ZNF395: variants seen among roughly 807,000 people sequenced by gnomAD.
ZNF395 encodes zinc finger protein 395.
Under a neutral mutation model 57.7 loss-of-function variants are expected in ZNF395, and 20 were observed. The observed-to-expected ratio is 0.35, with a 90% CI of 0.24 to 0.50. ZNF395 has a LOEUF of 0.50. ZNF395 is among the 20% of genes least tolerant of loss of function. The pLI is 0.97. For synonymous variants in ZNF395, 295 were observed against 275.9 expected (o/e 1.07, Z -0.69); for missense variants, 606 against 671.2 (o/e 0.90, Z 1.07).
chr8:28,350,183 G>C (rs1339675214), intron 7 of ZNF395, 27 bp from the exon 8 acceptor site: 1 of 1,572,532 alleles, frequency 6.4e-7, no homozygotes, highest in Non-Finnish European at 8.6e-7. Flanking sequence ...TGTCAGCCCG[G>C]ATTCTAGCTC....
At chr8:28,377,332 GGGTCGA>G (rs1802053518) in intron 1 of ZNF395, among the ~76,000 whole-genome samples, 1 of 152,136 alleles carries the variant, frequency 6.6e-6, no homozygotes, top group African/African-American at 2.4e-5. Context: ...CGAGCCCAGT[GGGTCGA>G]GGCTGCAGTA....
At chr8:28,382,803 C>G (rs913480106) in intron 1 of ZNF395, among the ~76,000 whole-genome samples, 1 of 152,152 alleles carries the variant, frequency 6.6e-6, no homozygotes, top group African/African-American at 2.4e-5. Flanking sequence ...ATTTTTCAAA[C>G]TGTGGGTTAT....
intron 1 of ZNF395, among the ~76,000 whole-genome samples, chr8:28,374,974 C>G (rs887219058): frequency 5.3e-5 from 8 of 152,190 alleles, no homozygotes; most frequent in African/African-American, 1.9e-4. Flanking sequence ...TCCCATTGCA[C>G]AAACTCTAAA....
intron 3 of ZNF395, among the ~76,000 whole-genome samples, chr8:28,357,663 C>T (rs985045722): frequency 5.9e-5 from 9 of 152,210 alleles, no homozygotes; most frequent in African/African-American, 1.9e-4. Flanking sequence ...ATTAGCACCT[C>T]TGTTTTTGTA....
At chr8:28,349,366 G>C (rs755806943) in intron 8 of ZNF395, 138 bp from the exon 9 acceptor site, 10 of 555,172 alleles carry the variant, frequency 1.8e-5, no homozygotes, top group African/African-American at 1.8e-4. Flanking sequence ...CACTCCAGCC[G>C]AGGGGAGCTC....
intron 1 of ZNF395, among the ~76,000 whole-genome samples, chr8:28,371,676 G>T (rs1024702503): frequency 6.6e-6 from 1 of 152,232 alleles, no homozygotes; most frequent in Non-Finnish European, 1.5e-5. Flanking sequence ...GATCCCCCAG[G>T]AGCAGGGCGA....
chr8:28,348,803 G>A lies in ZNF395; in HGVS notation c.1458C>T (p.Cys486=). Residue 486 remains cysteine (C), a synonymous_variant, in exon 10 of 10, where the codon TGC becomes TGT. Coordinates refer to ENST00000344423, the MANE Select transcript of ZNF395 (RefSeq NM_018660.3). ...GGTGCTCGATGCCATACACCTTGCGGCACTTCTTAGCCTCCCCTCGGGCTT... is the reference window on the plus strand; with the variant it reads ...GGTGCTCGATGCCATACACCTTGCGACACTTCTTAGCCTCCCCTCGGGCTT... ...ARKARGEAKK[C]RKVYGIEHRD... is the part of the protein sequence containing the mutation. 1 of 1,614,082 alleles carries A rather than the reference G, an allele frequency of 6.2e-7. No homozygotes were observed. The highest frequency in any genetic ancestry group is 2.2e-5 in the East Asian group (1 of 44,872).
intron 6 of ZNF395, 148 bp from the exon 7 acceptor site, chr8:28,351,955 GAC>G: frequency 4.8e-6 from 4 of 834,036 alleles, no homozygotes; most frequent in Non-Finnish European, 7.4e-6. Flanking sequence ...CCTCGCTCCT[GAC>G]GGGTGTCACC....
chr8:28,349,889 G>C (rs958459388), intron 8 of ZNF395, among the ~76,000 whole-genome samples, 175 bp downstream of exon 8: 3 of 152,258 alleles, frequency 2.0e-5, no homozygotes, highest in Non-Finnish European at 4.4e-5. Context: ...CAGATGGGGA[G>C]TGCCAGGGAG....
At chr8:28,383,391 T>C (rs1236360250) in intron 1 of ZNF395, among the ~76,000 whole-genome samples, 1 of 152,252 alleles carries the variant, frequency 6.6e-6, no homozygotes. Flanking sequence ...GGAATCACAA[T>C]ATCCCTAGGG....
chr8:28,348,599 A>C lies in ZNF395; in HGVS notation c.*120T>G, dbSNP rs1161229654. The stretch of plus-strand genomic sequence containing the variant: ...TTAAGTGTTACACCTTAGCCAACAG[A>C]GCCCAAACTCCGTGTTTCCGTTCTT... On this transcript the variant is annotated 3_prime_UTR_variant, in exon 10 of 10. Coordinates refer to ENST00000344423, the MANE Select transcript of ZNF395 (RefSeq NM_018660.3). The C allele has an allele frequency of 1.9e-5, 16 of 844,794 alleles. No individual in the cohort carries two copies. The highest frequency in any genetic ancestry group is 5.0e-5 in the African/African-American group (3 of 60,286). The allele number at this position is 844,794 out of a possible 1,614,324, so 52.3% of individuals were successfully genotyped here.
Position 28,349,218 on chromosome 8 carries a change from C to G in ZNF395, c.1337G>C (p.Arg446Pro). 6.5e-7 allele frequency: 1 copy of G among 1,545,582 alleles called. No homozygotes were observed. Reference sequence around the variant, plus strand: ...CTGGGGCTCGCTGAAGCTTAGCGACCGGCTCCGGACCTGGGCGTGGGGAGA... The same window carrying G: ...CTGGGGCTCGCTGAAGCTTAGCGACGGGCTCCGGACCTGGGCGTGGGGAGA... The part of the protein sequence containing the change: ...AACSLSPVRS[R>P]SLSFSEPQQP... Residue 446 changes from arginine (R) to proline (P), a missense_variant, in exon 9 of 10, where the codon CGG (arginine) becomes CCG (proline). This residue lies in a region of ZNF395 where 261 missense variants were observed against 240.3 expected (regional missense o/e 1.09). Transcript: ENST00000344423.
intron 1 of ZNF395, among the ~76,000 whole-genome samples, chr8:28,376,183 C>T (rs1585864229): frequency 6.6e-6 from 1 of 151,854 alleles, no homozygotes; most frequent in South Asian, 2.1e-4. Flanking sequence ...CCATGTTGCC[C>T]GGGCTGGTCT....
rs1585849716 is a variant in ZNF395 at position 28,349,957 on chromosome 8, C to G, written c.1326+107G>C. The G allele has an allele frequency of 1.7e-5, 17 of 1,004,010 alleles. No homozygotes were observed. In the East Asian group the frequency reaches 3.5e-4, roughly 20 times the overall value. 62.2% of individuals were successfully genotyped at this position (1,004,010 alleles called of 1,614,324 possible). On this transcript the variant is annotated intron_variant, in intron 8 of 9. Transcript: ENST00000344423. ...GGGGCTGAAAGCAAGATGGCCACACCGACCTGTGGCCACGTGCCCCGTGCC... is the reference window on the plus strand; with the variant it reads ...GGGGCTGAAAGCAAGATGGCCACACGGACCTGTGGCCACGTGCCCCGTGCC...
At position 28,349,218 on chromosome 8, in the gene ZNF395, C is replaced by T. The variant is rs762234584; in HGVS notation, c.1337G>A (p.Arg446Gln). Reference protein sequence around the residue: ...AACSLSPVRSRSLSFSEPQQP... With the variant: ...AACSLSPVRSQSLSFSEPQQP... ...CTGGGGCTCGCTGAAGCTTAGCGAC[C>T]GGCTCCGGACCTGGGCGTGGGGAGA... The change falls in exon 9 of 10, where the codon CGG (arginine) becomes CAG (glutamine). Residue 446 changes from arginine (R) to glutamine (Q), a missense_variant. Arg to Gln is a conservative substitution (Grantham distance 43). Around this residue, in one of 3 missense-constraint regions of ZNF395, gnomAD observed 261 missense variants for 240.3 expected, o/e 1.09. Transcript: ENST00000344423. 60 of 1,545,464 alleles carry T rather than the reference C, an allele frequency of 3.9e-5. No individual in the cohort carries two copies. The highest frequency in any genetic ancestry group is 5.1e-5 in the Non-Finnish European group (58 of 1,146,582).
At chr8:28,349,378 T>G in intron 8 of ZNF395, 150 bp from the exon 9 acceptor site, 1 of 524,510 alleles carries the variant, frequency 1.9e-6, no homozygotes, top group Non-Finnish European at 3.2e-6. Flanking sequence ...GGGGAGCTCT[T>G]GGCAGGAGAG....
chr8:28,354,952 C>G (rs901337180), intron 4 of ZNF395, among the ~76,000 whole-genome samples: 6 of 151,748 alleles, frequency 4.0e-5, no homozygotes, highest in Admixed American at 3.9e-4. Flanking sequence ...CCTATAGGAA[C>G]CACTCACAAT....
intron 7 of ZNF395, 38 bp from the exon 8 acceptor site, chr8:28,350,194 A>C: frequency 1.3e-6 from 2 of 1,552,314 alleles, no homozygotes; most frequent in Non-Finnish European, 1.7e-6. Context: ...ATTCTAGCTC[A>C]GGAAGTGTTC....
chr8:28,382,087 TCGCAAAGCAAAA>T (rs1802116293), intron 1 of ZNF395, among the ~76,000 whole-genome samples: 1 of 151,894 alleles, frequency 6.6e-6, no homozygotes, highest in Non-Finnish European at 1.5e-5. Context: ...AAAACTCAGG[TCGCAAAGCAAAA>T]CGCCTACAGG....
Sources: allele counts gnomAD v4.1 joint callset (sites outside exome capture counted in the v4.1 genomes callset), GRCh38; gene constraint gnomAD v4.1.1; regional missense constraint gnomAD v4.1.1; transcripts MANE v1.5; gene names NCBI Gene and HGNC (gene_info 2026-07-23, HGNC 2026-07-21).